The following GKAP1 variants were observed in gnomAD, a reference collection of about 807,000 sequenced individuals.
The protein encoded by GKAP1 is G kinase-anchoring protein 1.
Under a neutral mutation model 56.7 loss-of-function variants are expected in GKAP1, and 31 were observed. The ratio of observed to expected loss-of-function variants is 0.55; its 90% CI spans 0.41 to 0.74. GKAP1 has a LOEUF of 0.74. Ranked by LOEUF, GKAP1 falls within the 30% of genes least tolerant of loss-of-function variation. The pLI is 0.00. For missense variants in GKAP1, 364 were observed against 402.3 expected (o/e 0.90, Z 0.82); for synonymous variants, 151 against 138.6 (o/e 1.09, Z -0.63).
At chr9:83,780,300 A>T (rs1943947935) in intron 7 of GKAP1, 82 bp downstream of exon 7, 1 of 831,604 alleles carries the variant, frequency 1.2e-6, no homozygotes, top group Non-Finnish European at 1.9e-6. Context: ...ATTATGTCTC[A>T]AAAAAGACTT....
At position 83,765,138 on chromosome 9, in the gene GKAP1, CCT is replaced by C. The variant is rs1943640702; in HGVS notation, c.738+3678_738+3679del. Among the ~76,000 whole-genome samples, 3 of 152,168 alleles carry C rather than the reference CCT, an allele frequency of 2.0e-5. No individual in the cohort carries two copies. In the South Asian group the frequency reaches 6.2e-4, roughly 31 times the overall value. On this transcript the variant is annotated intron_variant, in intron 8 of 12. Coordinates refer to ENST00000376371, the MANE Select transcript of GKAP1 (RefSeq NM_025211.4). ...TGTGTGCAGCCTAGGGACTTGGTGC[CCT>C]GTGTCCCAGCTGCTCCAGCCATGGC...
chr9:83,779,253 A>C (rs1587716616), intron 7 of GKAP1, among the ~76,000 whole-genome samples: 1 of 151,884 alleles, frequency 6.6e-6, no homozygotes, highest in East Asian at 1.9e-4. Context: ...CTTTTAAAAA[A>C]ATTGACCATC....
intron 10 of GKAP1, among the ~76,000 whole-genome samples, chr9:83,743,559 G>A (rs1318218050): frequency 6.6e-6 from 1 of 151,162 alleles, no homozygotes; most frequent in Non-Finnish European, 1.5e-5. Flanking sequence ...CACGCCACTG[G>A]ACTCCAGCCT....
intron 4 of GKAP1, among the ~76,000 whole-genome samples, chr9:83,796,600 T>C (rs1236994314): frequency 6.6e-6 from 1 of 152,138 alleles, no homozygotes; most frequent in Non-Finnish European, 1.5e-5. Context: ...CCCGAGTACC[T>C]GGGATTACAG....
chr9:83,807,103 CTT>C (rs34320664), intron 2 of GKAP1, among the ~76,000 whole-genome samples: 1 of 152,162 alleles, frequency 6.6e-6, no homozygotes, highest in Non-Finnish European at 1.5e-5. Context: ...CCAAAGGAAA[CTT>C]TTCAAAATGC....
chr9:83,797,605 T>C (rs1362102730), intron 4 of GKAP1, among the ~76,000 whole-genome samples: 2 of 152,188 alleles, frequency 1.3e-5, no homozygotes, highest in Non-Finnish European at 2.9e-5. Context: ...AGTAGTATAC[T>C]CAGCAGAAAT....
chr9:83,805,795 C>A (rs1180188738), intron 3 of GKAP1, among the ~76,000 whole-genome samples: 1 of 152,166 alleles, frequency 6.6e-6, no homozygotes, highest in Non-Finnish European at 1.5e-5. Context: ...AATGAACACA[C>A]AAACTTCCAG....
rs1012974816 is a variant in GKAP1, at chr9:83,761,633, T to C, written c.738+7185A>G. 2.1e-5 allele frequency among the ~76,000 whole-genome samples: 3 copies of C among 143,044 alleles called. No homozygotes were observed. The South Asian group carries it at 6.7e-4, about 32-fold the overall frequency. The allele number at this position is 143,044 out of a possible 152,430, so 93.8% of individuals were successfully genotyped here. ...GAAAAAAGAAAACTAGGGGCCAATATCTCTGATGAATATTGATGCAAAAAA... is the reference window on the plus strand; with the variant it reads ...GAAAAAAGAAAACTAGGGGCCAATACCTCTGATGAATATTGATGCAAAAAA... On this transcript the variant is annotated intron_variant, in intron 8 of 12. Coordinates refer to ENST00000376371, the MANE Select transcript of GKAP1 (RefSeq NM_025211.4).
intron 8 of GKAP1, among the ~76,000 whole-genome samples, chr9:83,765,615 T>A (rs188411121): frequency 6.6e-6 from 1 of 152,302 alleles, no homozygotes; most frequent in Non-Finnish European, 1.5e-5. Flanking sequence ...CCCAACACCA[T>A]GGGAGCACAT....
intron 4 of GKAP1, among the ~76,000 whole-genome samples, chr9:83,790,776 C>A (rs924995391): frequency 6.6e-6 from 1 of 151,878 alleles, no homozygotes; most frequent in Non-Finnish European, 1.5e-5. Flanking sequence ...TGCACCACTG[C>A]ACTCCAGACT....
At chr9:83,794,569 T>C (rs898563220) in intron 4 of GKAP1, among the ~76,000 whole-genome samples, 2 of 152,210 alleles carry the variant, frequency 1.3e-5, no homozygotes, top group African/African-American at 4.8e-5. Flanking sequence ...CTAACAGACA[T>C]GTCACTTCAG....
At chr9:83,790,611 TAAA>T (rs1313970911) in intron 4 of GKAP1, among the ~76,000 whole-genome samples, 1 of 150,074 alleles carries the variant, frequency 6.7e-6, no homozygotes, top group Admixed American at 6.8e-5. Context: ...GGTGAAATAC[TAAA>T]AATACAAAAA....
At chr9:83,751,821 T>A (rs1314915615) in intron 9 of GKAP1, among the ~76,000 whole-genome samples, 1 of 151,414 alleles carries the variant, frequency 6.6e-6, no homozygotes, top group Non-Finnish European at 1.5e-5. Flanking sequence ...ATTGTATACA[T>A]CACAAGTGCT....
intron 3 of GKAP1, among the ~76,000 whole-genome samples, chr9:83,803,003 G>A (rs1293687332): frequency 6.6e-6 from 1 of 152,026 alleles, no homozygotes; most frequent in African/African-American, 2.4e-5. Context: ...CAGTTGCTTG[G>A]GAGGCTGAGG....
At chr9:83,768,637 T>C (rs755755252) in intron 8 of GKAP1, among the ~76,000 whole-genome samples, 181 bp downstream of exon 8, 5 of 152,220 alleles carry the variant, frequency 3.3e-5, no homozygotes, top group Non-Finnish European at 7.3e-5. Flanking sequence ...GAACTAGTCA[T>C]ACAGTATGAG....
intron 9 of GKAP1, among the ~76,000 whole-genome samples, 177 bp downstream of exon 9, chr9:83,753,081 C>CA (rs1554737696): frequency 4.7e-5 from 7 of 149,490 alleles, no homozygotes; most frequent in East Asian, 2.0e-4. Context: ...ACAACAACAA[C>CA]ATAAATAAAT....
chr9:83,786,541 CAAA>C (rs57485843), intron 5 of GKAP1, among the ~76,000 whole-genome samples: 1 of 135,136 alleles, frequency 7.4e-6, no homozygotes. Flanking sequence ...AACTCTGTCT[CAAA>C]AAAAAAAAAG....
chr9:83,797,595 A>AC (rs1944267897), intron 4 of GKAP1, among the ~76,000 whole-genome samples: 1 of 152,212 alleles, frequency 6.6e-6, no homozygotes, highest in Admixed American at 6.5e-5. Flanking sequence ...GTGACCCATC[A>AC]GTAGTATACT....
intron 10 of GKAP1, among the ~76,000 whole-genome samples, chr9:83,745,827 A>C (rs1943284150): frequency 6.6e-6 from 1 of 151,064 alleles, no homozygotes; most frequent in Middle Eastern, 3.4e-3. Context: ...GTCTCACTCT[A>C]TCAGCCAGGA....
Sources: allele counts gnomAD v4.1 joint callset (sites outside exome capture counted in the v4.1 genomes callset), GRCh38; gene constraint gnomAD v4.1.1; transcripts MANE v1.5; gene names NCBI Gene and HGNC (gene_info 2026-07-23, HGNC 2026-07-21).